Variants in TSBP1 observed in about 807,000 individuals in gnomAD.
The protein encoded by TSBP1 is testis expressed basic protein 1, also known as testis-expressed basic protein 1.
In TSBP1, 56 loss-of-function variants were observed where a neutral mutation model predicts 68.8. The observed-to-expected ratio is 0.81, with a 90% CI of 0.66 to 1.02. The LOEUF (loss-of-function observed/expected upper bound fraction) is 1.02, where lower values mean the gene tolerates loss of function less well. Among genes scored for constraint, TSBP1 ranks in the 50% least tolerant of loss-of-function variants. The probability of loss-of-function intolerance (pLI) is 0.00; values close to 1 mark genes in which losing one functional copy is unlikely to be tolerated. For synonymous variants in TSBP1, 171 were observed against 208.7 expected, an observed-to-expected ratio of 0.82 and a Z score of 1.56; for missense variants, 502 against 641.2, an observed-to-expected ratio of 0.78 and a Z score of 2.34.
At chr6:32,349,826 G>A (rs914087248) in exon 9 of TSBP1, 3 of 1,579,790 alleles carry the variant, frequency 1.9e-6, no homozygotes, top group Non-Finnish European at 2.6e-6. Flanking sequence ...AGATGCCATA[G>A]ACACTATATT....
At chr6:32,347,120 A>C (rs1353069309) in intron 9 of TSBP1, among the ~76,000 whole-genome samples, 1 of 152,034 alleles carries the variant, frequency 6.6e-6, no homozygotes, top group Non-Finnish European at 1.5e-5. Flanking sequence ...GTCAATTAAA[A>C]ATTATAACAT....
intron 16 of TSBP1, chr6:32,324,373 A>G (rs1767973784): frequency 1.7e-6 from 1 of 576,892 alleles, no homozygotes; most frequent in Non-Finnish European, 3.2e-6. Flanking sequence ...TCTCTTGTTG[A>G]TGGGCTTTGA....
intron 6 of TSBP1, among the ~76,000 whole-genome samples, chr6:32,363,699 T>C (rs960539098): frequency 2.6e-5 from 4 of 151,972 alleles, no homozygotes; most frequent in Non-Finnish European, 4.4e-5. Context: ...AAAAAAATTG[T>C]ATATTCATTA....
chr6:32,355,132 T>C (rs747157454), exon 8 of TSBP1: 1 of 1,611,410 alleles, frequency 6.2e-7, no homozygotes, highest in Non-Finnish European at 8.5e-7. Flanking sequence ...ACCTAGAGAG[T>C]TGGTTGATGG....
rs1766950923 is a variant in TSBP1 at position 32,316,351 on chromosome 6, G to A, written c.560-559C>T. The A allele has an allele frequency of 3.3e-6, 5 of 1,537,166 alleles. No homozygotes were observed. Among genetic ancestry groups the A allele is most frequent in the African/African-American group, 1.4e-5 (1 of 73,072 alleles). Reference sequence around the variant, plus strand: ...CACTTTGACAGAAGTGAAGTGAAGGGGACCAAAGAGAACCAAAGTAGAAAA... The same window carrying A: ...CACTTTGACAGAAGTGAAGTGAAGGAGACCAAAGAGAACCAAAGTAGAAAA... On this transcript the variant is annotated intron_variant, in intron 18 of 22. Coordinates refer to ENST00000612031, the Ensembl canonical transcript of TSBP1. The surrounding 1 kb of genome is among the most constrained non-coding windows in gnomAD (Gnocchi z 4.5).
intron 9 of TSBP1, among the ~76,000 whole-genome samples, chr6:32,347,613 G>A (rs117568512): frequency 6.6e-6 from 1 of 152,038 alleles, no homozygotes; most frequent in Non-Finnish European, 1.5e-5. Flanking sequence ...CAGAAGCCAG[G>A]GTTGCCTTTT....
Position 32,351,975 on chromosome 6 carries a change from TC to T in TSBP1, c.260-2147del, listed in dbSNP as rs1431027817. Among the ~76,000 whole-genome samples, 47 of 152,178 alleles carry T rather than the reference TC, an allele frequency of 3.1e-4. 1 individual carries two copies. The highest frequency in any genetic ancestry group is 1.1e-3 in the African/African-American group (46 of 41,558). On this transcript the variant is annotated intron_variant, in intron 8 of 22. Transcript: ENST00000612031. The stretch of plus-strand genomic sequence containing the variant: ...AACAACAAGCAAATGGAATAAATCT[TC>T]AAAGTACAGAGGGAAAATAATGTTC...
intron 22 of TSBP1, among the ~76,000 whole-genome samples, chr6:32,295,993 T>C (rs148727096): frequency 0.046 from 6,991 of 152,060 alleles, 360 homozygotes; most frequent in African/African-American, 0.12. Context: ...TACAGGCATG[T>C]GCCACCACAC....
chr6:32,346,935 G>A (rs1048514126), intron 9 of TSBP1, among the ~76,000 whole-genome samples: 5 of 152,130 alleles, frequency 3.3e-5, no homozygotes, highest in African/African-American at 9.7e-5. Flanking sequence ...GTATAACATG[G>A]TGATCGTAGT....
chr6:32,292,843 A>G lies in TSBP1; in HGVS notation c.*138T>C, dbSNP rs1211612135. On this transcript the variant is annotated 3_prime_UTR_variant, in exon 23 of 23. Transcript: ENST00000612031. This position sits in a 1 kb window ranked among gnomAD's most constrained non-coding sequence, Gnocchi z 4.1. The stretch of plus-strand genomic sequence containing the variant: ...AGATTAAAAAGGGTGAAACTTCTGA[A>G]GAGCAGAAACTGTGATATGAAGATG... 1.6e-5 allele frequency: 10 copies of G among 614,212 alleles called. No homozygotes were observed. The highest frequency in any genetic ancestry group is 2.0e-5 in the Non-Finnish European group (7 of 355,964). The allele number at this position is 614,212 out of a possible 1,614,324, so 38.0% of individuals were successfully genotyped here.
chr6:32,321,581 G>T lies in TSBP1; in HGVS notation c.559+1536C>A, dbSNP rs7756177. Among the ~76,000 whole-genome samples, 1,020 of 152,176 alleles carry T rather than the reference G, an allele frequency of 6.7e-3. 8 individuals carry two copies. The highest frequency in any genetic ancestry group is 0.011 in the Non-Finnish European group (766 of 68,012). On this transcript the variant is annotated intron_variant, in intron 18 of 22. Transcript: ENST00000612031. The surrounding 1 kb of genome is among the most constrained non-coding windows in gnomAD (Gnocchi z 4.3). The stretch of plus-strand genomic sequence containing the variant: ...TTGTCTCTGTATTTTTATCTGTGCC[G>T]TGAGAATACTTAGCCGATCAGCCTC...
At chr6:32,312,849 A>G (rs1438091000) in intron 19 of TSBP1, among the ~76,000 whole-genome samples, 3 of 148,956 alleles carry the variant, frequency 2.0e-5, no homozygotes, top group Admixed American at 1.3e-4. Context: ...TCTCATTGCC[A>G]CACTCACCTT....
intron 4 of TSBP1, chr6:32,366,545 C>T (rs1176491737): frequency 1.1e-5 from 5 of 467,340 alleles, no homozygotes; most frequent in South Asian, 4.2e-5. Flanking sequence ...GGGTGGATCA[C>T]GAGGTCAGGA....
At chr6:32,299,836 T>A in intron 22 of TSBP1, 86 bp downstream of exon 25, 1 of 1,097,036 alleles carries the variant, frequency 9.1e-7, no homozygotes. Context: ...AGCACAGGCC[T>A]CTATTTTGGG....
At chr6:32,356,705 G>A (rs1772380417) in intron 6 of TSBP1, 2 of 152,026 alleles carry the variant, frequency 1.3e-5, no homozygotes, top group African/African-American at 2.5e-5. Flanking sequence ...GGCCCACAGA[G>A]CAAGACTCTG....
intron 8 of TSBP1, among the ~76,000 whole-genome samples, chr6:32,352,389 C>T (rs1771820414): frequency 6.6e-6 from 1 of 151,592 alleles, no homozygotes; most frequent in South Asian, 2.1e-4. Context: ...AAATAGTACA[C>T]ATGTTACAAA....
rs551936546 is a variant in TSBP1 at position 32,369,028 on chromosome 6, T to C, written c.101-214A>G. Among the ~76,000 whole-genome samples the C allele has an allele frequency of 1.2e-3, 188 of 152,224 alleles. No homozygotes were observed. The highest frequency in any genetic ancestry group is 2.5e-3 in the Non-Finnish European group (167 of 68,020). On this transcript the variant is annotated intron_variant, in intron 2 of 22. Coordinates refer to ENST00000612031, the Ensembl canonical transcript of TSBP1. ...CTTATGCTTTGAGGGCTCACAGGCA[T>C]TGAGGATGGGAAACAGGGAGGGAAT...
intron 8 of TSBP1, among the ~76,000 whole-genome samples, chr6:32,353,365 G>A (rs1198114664): frequency 6.6e-6 from 1 of 151,922 alleles, no homozygotes; most frequent in African/African-American, 2.4e-5. Context: ...ACAAGTATGT[G>A]TATAAGAATT....
At chr6:32,293,910 T>C (rs1764434569) in exon 23 of TSBP1, 7 of 1,612,854 alleles carry the variant, frequency 4.3e-6, no homozygotes, top group Non-Finnish European at 5.9e-6. Flanking sequence ...ATGATGTCAT[T>C]CTTTAGTGCT....
Sources: gnomAD v4.1 joint callset for allele counts (sites outside exome capture counted in the v4.1 genomes callset) on GRCh38, gnomAD v4.1.1 for gene constraint, Gnocchi (gnomAD v3.1) non-coding constraint, MANE v1.5 for transcripts, NCBI Gene and HGNC (gene_info 2026-07-23, HGNC 2026-07-21) for gene names.